The following EYS variants were observed in gnomAD, a reference collection of about 807,000 sequenced individuals.
The protein encoded by EYS is EGF-like photoreceptor maintenance factor.
Under a neutral mutation model 282.1 loss-of-function variants are expected in EYS, and 250 were observed. The observed-to-expected ratio is 0.89, with a 90% CI of 0.80 to 0.98. The LOEUF (loss-of-function observed/expected upper bound fraction) is 0.98, where lower values mean the gene tolerates loss of function less well. EYS is among the 50% of genes least tolerant of loss of function. EYS has a pLI of 0.00. For missense variants in EYS, 4,016 were observed against 3,709.0 expected (o/e 1.08, Z -2.15); for synonymous variants, 1,355 against 1,282.9 (o/e 1.06, Z -1.20).
chr6:65,006,624 C>T (rs1403730899), intron 13 of EYS, among the ~76,000 whole-genome samples: 5 of 151,886 alleles, frequency 3.3e-5, no homozygotes, highest in African/African-American at 9.7e-5. Flanking sequence ...CTTAACCCAG[C>T]AGATTTCCTA....
chr6:64,369,999 T>C (rs1772310699), intron 29 of EYS, among the ~76,000 whole-genome samples: 1 of 152,054 alleles, frequency 6.6e-6, no homozygotes. Context: ...ACTTCCTTTC[T>C]TCCTATTTGG....
intron 12 of EYS, among the ~76,000 whole-genome samples, chr6:65,265,225 C>T (rs1053385066): frequency 3.9e-5 from 6 of 151,972 alleles, no homozygotes; most frequent in Non-Finnish European, 8.8e-5. Context: ...AACCTACACA[C>T]GTACCCTCAG....
At chr6:64,056,105 C>T (rs1007840147) in intron 33 of EYS, among the ~76,000 whole-genome samples, 1 of 152,182 alleles carries the variant, frequency 6.6e-6, no homozygotes, top group Non-Finnish European at 1.5e-5. Flanking sequence ...GGTGCAACTA[C>T]TTTGCAATTC....
chr6:65,349,671 T>G (rs745523776), intron 9 of EYS, among the ~76,000 whole-genome samples: 1 of 151,508 alleles, frequency 6.6e-6, no homozygotes. Flanking sequence ...TTGTGGTAAG[T>G]ACACTTCTGA....
intron 22 of EYS, among the ~76,000 whole-genome samples, chr6:64,761,660 T>C (rs1773163396): frequency 6.6e-6 from 1 of 152,120 alleles, no homozygotes; most frequent in Non-Finnish European, 1.5e-5. Flanking sequence ...TTTCACCATG[T>C]TGGCCAGGAT....
chr6:65,250,879 T>C (rs528776265), intron 12 of EYS, among the ~76,000 whole-genome samples: 1 of 151,996 alleles, frequency 6.6e-6, no homozygotes, highest in South Asian at 2.1e-4. Context: ...GACTTAATTC[T>C]ACAATAATGC....
At chr6:63,972,773 G>A (rs865774636) in intron 35 of EYS, among the ~76,000 whole-genome samples, 2 of 151,976 alleles carry the variant, frequency 1.3e-5, no homozygotes, top group East Asian at 1.9e-4. Context: ...TCCCACTTAC[G>A]AGTGAGAACA....
intron 12 of EYS, among the ~76,000 whole-genome samples, chr6:65,185,384 C>G (rs1765493455): frequency 6.6e-6 from 1 of 151,914 alleles, no homozygotes; most frequent in Non-Finnish European, 1.5e-5. Flanking sequence ...TTGCCACCAG[C>G]TCTGAAATCT....
intron 22 of EYS, among the ~76,000 whole-genome samples, chr6:64,742,426 C>T (rs530590526): frequency 1.3e-5 from 2 of 152,200 alleles, no homozygotes; most frequent in South Asian, 2.1e-4. Flanking sequence ...CCCAGAAACA[C>T]AAAATGAGCA....
intron 26 of EYS, among the ~76,000 whole-genome samples, chr6:64,517,559 C>G (rs990232308): frequency 6.6e-6 from 1 of 151,750 alleles, no homozygotes; most frequent in Non-Finnish European, 1.5e-5. Flanking sequence ...TGTTGGAGAA[C>G]AAGCGGACAA....
intron 29 of EYS, among the ~76,000 whole-genome samples, chr6:64,368,271 T>C (rs1375100318): frequency 1.3e-5 from 2 of 152,148 alleles, no homozygotes; most frequent in South Asian, 2.1e-4. Flanking sequence ...AAGGACATGA[T>C]AGCATTCTTA....
chr6:65,353,336 T>G lies in EYS; in HGVS notation c.1459+122A>C, dbSNP rs1036538485. 26 of 818,744 alleles carry G rather than the reference T, an allele frequency of 3.2e-5. No homozygotes were observed. The African/African-American group carries it at 4.2e-4, about 13-fold the overall frequency. The allele number at this position is 818,744 out of a possible 1,614,324, so 50.7% of individuals were successfully genotyped here. ...CATTAGAAAATAAGAGTATTAATTT[T>G]ATTTTTAGTTTATATTACGTTTTGA... On this transcript the variant is annotated intron_variant, in intron 9 of 42. Transcript: ENST00000503581.
intron 22 of EYS, among the ~76,000 whole-genome samples, chr6:64,718,306 T>A (rs139455652): frequency 1.4e-4 from 21 of 152,258 alleles, no homozygotes; most frequent in African/African-American, 4.6e-4. Flanking sequence ...GCCACTCCCA[T>A]CCACCCCTGT....
Position 65,602,187 on chromosome 6 carries a change from A to G in EYS, c.-333+37591T>C, listed in dbSNP as rs116564895. Among the ~76,000 whole-genome samples, 1,171 of 151,728 alleles carry G rather than the reference A, an allele frequency of 7.7e-3. 14 individuals carry two copies. Among genetic ancestry groups the G allele is most frequent in the African/African-American group, 0.025 (1,047 of 41,488 alleles). ...TATTTTCCATTCCTCCAAAACTTAA[A>G]ATTAAGTAGTGAGTCACTGATTCAA... On this transcript the variant is annotated intron_variant, in intron 2 of 42. Transcript: ENST00000503581.
At chr6:63,839,383 T>C (rs1404494810) in intron 36 of EYS, among the ~76,000 whole-genome samples, 1 of 152,226 alleles carries the variant, frequency 6.6e-6, no homozygotes, top group Non-Finnish European at 1.5e-5. Flanking sequence ...TTGCTGCAAA[T>C]GACAGAATTA....
At chr6:64,923,955 C>G (rs1480471590) in intron 15 of EYS, among the ~76,000 whole-genome samples, 1 of 152,152 alleles carries the variant, frequency 6.6e-6, no homozygotes, top group African/African-American at 2.4e-5. Flanking sequence ...GAGGATCTAC[C>G]ATTCTGGGGT....
At chr6:65,337,676 ATTT>A (rs2150315441) in intron 10 of EYS, among the ~76,000 whole-genome samples, 1 of 151,032 alleles carries the variant, frequency 6.6e-6, no homozygotes, top group African/African-American at 2.4e-5. Flanking sequence ...ATAAAGCTAT[ATTT>A]TCTAGCTTAT....
At chr6:65,081,960 T>G (rs1303784367) in intron 12 of EYS, among the ~76,000 whole-genome samples, 1 of 152,062 alleles carries the variant, frequency 6.6e-6, no homozygotes, top group Non-Finnish European at 1.5e-5. Flanking sequence ...ATCAGCACTG[T>G]CGGTGCAAGG....
At chr6:64,241,657 T>TTTTTTG (rs372019243) in intron 30 of EYS, among the ~76,000 whole-genome samples, 21 of 149,260 alleles carry the variant, frequency 1.4e-4, no homozygotes, top group African/African-American at 4.9e-4. Context: ...TTGAAGGTTT[T>TTTTTTG]TGTGTGTGTG....
Sources: allele counts gnomAD v4.1 joint callset (sites outside exome capture counted in the v4.1 genomes callset), GRCh38; gene constraint gnomAD v4.1.1; transcripts MANE v1.5; gene names NCBI Gene and HGNC (gene_info 2026-07-23, HGNC 2026-07-21).